The following GCNT1 variants were observed in gnomAD, a reference collection of about 807,000 sequenced individuals.
The protein encoded by GCNT1 is beta-1,3-galactosyl-O-glycosyl-glycoprotein beta-1,6-N-acetylglucosaminyltransferase.
GCNT1 carries 16 observed loss-of-function variants against 26.2 expected under a neutral mutation model. The observed-to-expected ratio is 0.61, with a 90% confidence interval of 0.41 to 0.93. GCNT1 has a LOEUF of 0.93. Ranked by LOEUF, GCNT1 falls within the 40% of genes least tolerant of loss-of-function variation. The pLI, the probability that GCNT1 is intolerant of heterozygous loss-of-function variation, is 0.00. For missense variants in GCNT1, 477 were observed against 526.7 expected, an observed-to-expected ratio of 0.91 and a Z score of 0.92; for synonymous variants, 183 against 190.8, an observed-to-expected ratio of 0.96 and a Z score of 0.34.
chr9:76,453,167 C>CTAA (rs1823701632), intron 1 of GCNT1, among the ~76,000 whole-genome samples: 5 of 152,142 alleles, frequency 3.3e-5, no homozygotes, highest in Admixed American at 6.5e-5. Flanking sequence ...TCCTGTTTAG[C>CTAA]ACAGGAGATC....
At chr9:76,484,701 A>G (rs897489389) in intron 2 of GCNT1, among the ~76,000 whole-genome samples, 1 of 151,828 alleles carries the variant, frequency 6.6e-6, no homozygotes, top group Non-Finnish European at 1.5e-5. Flanking sequence ...GACCCTCTGT[A>G]TATTGTCATG....
intron 1 of GCNT1, among the ~76,000 whole-genome samples, chr9:76,427,447 T>A (rs1823272881): frequency 6.6e-6 from 1 of 152,268 alleles, no homozygotes; most frequent in South Asian, 2.1e-4. Flanking sequence ...CCCAAAGTGC[T>A]GGTATTACAG....
intron 2 of GCNT1, among the ~76,000 whole-genome samples, chr9:76,500,148 T>TG (rs1825025978): frequency 6.6e-6 from 1 of 152,098 alleles, no homozygotes; most frequent in South Asian, 2.1e-4. Context: ...TAATTTTTTT[T>TG]TTGTTGAAAC....
At chr9:76,452,111 G>A (rs1823677433) in intron 1 of GCNT1, among the ~76,000 whole-genome samples, 1 of 151,886 alleles carries the variant, frequency 6.6e-6, no homozygotes, top group Non-Finnish European at 1.5e-5. Context: ...TGGGATTACA[G>A]GCCCCTGCCA....
rs960302473 is a variant in GCNT1 at position 76,459,709 on chromosome 9, C to T, written c.-407-351C>T. Among the ~76,000 whole-genome samples, 5 of 152,264 alleles carry T rather than the reference C, an allele frequency of 3.3e-5. No homozygotes were observed. The East Asian group carries it at 7.7e-4, about 24-fold the overall frequency. ...ACTTCATTGAATCCTAACGCCAGCC[C>T]GGCTAAGATGCATTTTCACCCCTAC... On this transcript the variant is annotated intron_variant, in intron 1 of 3. Coordinates refer to ENST00000376730, the MANE Select transcript of GCNT1 (RefSeq NM_001490.5).
rs574109286 is a variant in GCNT1, at chr9:76,443,444, A to G, written c.-290+1129A>G. ...CGAAGGGATGGGCCGAATTAAAGGAATAGGTTGGGCTAGTTAACTGCAGCA... is the reference window on the plus strand; with the variant it reads ...CGAAGGGATGGGCCGAATTAAAGGAGTAGGTTGGGCTAGTTAACTGCAGCA... On this transcript the variant is annotated intron_variant, in intron 1 of 2. Transcript: ENST00000442371. Among the ~76,000 whole-genome samples the G allele has an allele frequency of 4.1e-3, 625 of 152,336 alleles. 5 individuals carry two copies. The highest frequency in any genetic ancestry group is 0.014 in the African/African-American group (600 of 41,580).
At chr9:76,436,956 C>T (rs959872105), upstream of GCNT1, among the ~76,000 whole-genome samples, 3 of 151,774 alleles carry the variant, frequency 2.0e-5, no homozygotes, top group Non-Finnish European at 4.4e-5. Flanking sequence ...CAGGGCCTGT[C>T]GTGGGGTGTG....
chr9:76,394,320 G>T, the GCNT1 span: 2 of 672,002 alleles, frequency 3.0e-6, no homozygotes, highest in Non-Finnish European at 4.7e-6. Flanking sequence ...GGACGACGCC[G>T]ACCACAGGCC....
At chr9:76,451,963 TTTTGTTG>T (rs1347891561) in intron 1 of GCNT1, among the ~76,000 whole-genome samples, 795 of 69,272 alleles carry the variant, frequency 0.011, 7 homozygotes, top group African/African-American at 0.044. Context: ...TTTTTTTTTT[TTTTGTTG>T]TTGTTGTTGT....
intron 2 of GCNT1, among the ~76,000 whole-genome samples, chr9:76,484,902 C>T (rs1473475490): frequency 1.3e-5 from 2 of 150,962 alleles, no homozygotes; most frequent in Admixed American, 1.3e-4. Flanking sequence ...GATTCTCCTG[C>T]CTCAGCCTCC....
the GCNT1 span, among the ~76,000 whole-genome samples, chr9:76,404,899 T>A: frequency 2.6e-5 from 4 of 151,838 alleles, no homozygotes; most frequent in African/African-American, 9.7e-5. Context: ...CTCACTGCAA[T>A]CTCCACCTTC....
the GCNT1 span, chr9:76,393,925 G>C: frequency 1.5e-6 from 1 of 650,468 alleles, no homozygotes; most frequent in Non-Finnish European, 2.5e-6. Context: ...TCCCTCAACC[G>C]AGCCAACGGT....
chr9:76,501,469 G>A (rs1383432867), intron 3 of GCNT1, among the ~76,000 whole-genome samples: 1 of 152,180 alleles, frequency 6.6e-6, no homozygotes, highest in African/African-American at 2.4e-5. Context: ...ATTACAGTCT[G>A]TTATAACTAA....
At chr9:76,428,783 C>T (rs1172316214) in intron 1 of GCNT1, among the ~76,000 whole-genome samples, 2 of 150,480 alleles carry the variant, frequency 1.3e-5, no homozygotes, top group African/African-American at 4.9e-5. Flanking sequence ...TCATCGCAAC[C>T]TCTGCCTCCT....
At chr9:76,492,320 G>A (rs1253631382) in intron 2 of GCNT1, among the ~76,000 whole-genome samples, 2 of 152,076 alleles carry the variant, frequency 1.3e-5, no homozygotes, top group African/African-American at 4.8e-5. Context: ...TAAAGGTATG[G>A]GACTTTCAGG....
upstream of GCNT1, among the ~76,000 whole-genome samples, chr9:76,419,448 T>G (rs1029083948): frequency 6.6e-6 from 1 of 152,172 alleles, no homozygotes; most frequent in East Asian, 1.9e-4. Context: ...GGCGGGAGAA[T>G]CGCTTGACCC....
At chr9:76,417,945 AAG>A (rs1382161774), upstream of GCNT1, among the ~76,000 whole-genome samples, 1 of 152,192 alleles carries the variant, frequency 6.6e-6, no homozygotes, top group Non-Finnish European at 1.5e-5. Flanking sequence ...TAAAATATTT[AAG>A]AGATTTATTC....
the GCNT1 span, chr9:76,394,077 GC>G: frequency 4.4e-6 from 7 of 1,589,516 alleles, no homozygotes; most frequent in Admixed American, 1.2e-4. Flanking sequence ...GACTCTGGCC[GC>G]CCTGCTCTCA....
At chr9:76,445,391 T>G (rs1036995546) in intron 1 of GCNT1, among the ~76,000 whole-genome samples, 2 of 151,976 alleles carry the variant, frequency 1.3e-5, no homozygotes, top group African/African-American at 4.8e-5. Context: ...CCTTTCCTTA[T>G]TTATTTATTT....
Sources: gnomAD v4.1 joint callset for allele counts (sites outside exome capture counted in the v4.1 genomes callset) on GRCh38, gnomAD v4.1.1 for gene constraint, MANE v1.5 for transcripts, NCBI Gene and HGNC (gene_info 2026-07-23, HGNC 2026-07-21) for gene names.